SCN3B: variants seen among roughly 807,000 people sequenced by gnomAD.
SCN3B encodes the protein sodium voltage-gated channel beta subunit 3.
SCN3B carries 11 observed loss-of-function variants against 25.4 expected under a neutral mutation model. That is an observed-to-expected ratio of 0.43 (90% CI 0.27 to 0.72). The LOEUF (loss-of-function observed/expected upper bound fraction) is 0.72. Among genes scored for constraint, SCN3B ranks in the 30% least tolerant of loss-of-function variants. The pLI is 0.18. For missense variants in SCN3B, 218 were observed against 278.3 expected, an observed-to-expected ratio of 0.78 and a Z score of 1.54; for synonymous variants, 109 against 110.7, an observed-to-expected ratio of 0.99 and a Z score of 0.09.
intron 5 of SCN3B, among the ~76,000 whole-genome samples, chr11:123,636,867 G>A (rs1368158315): frequency 6.6e-6 from 1 of 152,012 alleles, no homozygotes; most frequent in Non-Finnish European, 1.5e-5. Flanking sequence ...CTAATTTTTT[G>A]TAGTTTTAGT....
chr11:123,634,454 G>A (rs1474521793), intron 5 of SCN3B, among the ~76,000 whole-genome samples: 1 of 152,234 alleles, frequency 6.6e-6, no homozygotes, highest in East Asian at 1.9e-4. Context: ...CATTTAGTTA[G>A]ATTATTATGT....
intron 3 of SCN3B, among the ~76,000 whole-genome samples, chr11:123,644,805 ATATATATAT>A (rs1565496854): frequency 5.5e-5 from 2 of 36,648 alleles, no homozygotes; most frequent in African/African-American, 4.1e-4. Flanking sequence ...GAGAGAATAT[ATATATATAT>A]ATATATATAT....
intron 3 of SCN3B, among the ~76,000 whole-genome samples, chr11:123,644,821 A>T (rs1372221694): frequency 1.2e-4 from 10 of 80,310 alleles, no homozygotes; most frequent in Non-Finnish European, 2.2e-4. Flanking sequence ...ATATATATAT[A>T]TATATATATA....
Position 123,631,660 on chromosome 11 carries a change from C to T in SCN3B, c.*2139G>A, listed in dbSNP as rs1955674349. The T allele has an allele frequency of 6.6e-6, 1 of 151,922 alleles. No individual in the cohort carries two copies. The highest frequency in any genetic ancestry group is 2.4e-5 in the African/African-American group (1 of 41,320). 9.4% of individuals were successfully genotyped at this position (151,922 alleles called of 1,614,324 possible). A position where few individuals can be genotyped will look rare whatever the true frequency, so the allele number is the denominator to read the frequency against. ...CTGGGCGACATGGCAAGACCCCTGT[C>T]TCTACATAAAATACAAAAATTAGCC... On this transcript the variant is annotated 3_prime_UTR_variant, in exon 7 of 7. Transcript: ENST00000299333.
chr11:123,633,842 T>G (rs563463003), intron 6 of SCN3B, 66 bp from the exon 7 acceptor site: 1 of 390,538 alleles, frequency 2.6e-6, no homozygotes, highest in East Asian at 5.9e-5. Context: ...GCCCAAAAAT[T>G]CTTTGACCAA....
chr11:123,646,701 T>C (rs1360458300), intron 2 of SCN3B, among the ~76,000 whole-genome samples: 2 of 152,228 alleles, frequency 1.3e-5, no homozygotes, highest in Non-Finnish European at 2.9e-5. Flanking sequence ...GAGGCAAGTA[T>C]ATCAGCTTGA....
chr11:123,633,519 T>C lies in SCN3B; in HGVS notation c.*280A>G, dbSNP rs180816615. ...TCCAGTTGGCTTTGGAGTGTCTTGT[T>C]GGAAAACTAGGAGAGGGTGAGGTTG... On this transcript the variant is annotated 3_prime_UTR_variant, in exon 7 of 7. Coordinates refer to ENST00000299333, the MANE Select transcript of SCN3B (RefSeq NM_001040151.2). 8.9e-4 allele frequency: 140 copies of C among 157,582 alleles called. No homozygotes were observed. Among genetic ancestry groups the C allele is most frequent in the Non-Finnish European group, 1.5e-3 (108 of 71,020 alleles). 9.8% of individuals were successfully genotyped at this position (157,582 alleles called of 1,614,324 possible).
intron 3 of SCN3B, 73 bp downstream of exon 3, chr11:123,645,514 C>G: frequency 6.6e-7 from 1 of 1,504,974 alleles, no homozygotes. Flanking sequence ...TGGCATCCCC[C>G]GGACTGTCAG....
chr11:123,637,559 C>T (rs1306735772), intron 5 of SCN3B, among the ~76,000 whole-genome samples: 3 of 152,182 alleles, frequency 2.0e-5, no homozygotes, highest in Middle Eastern at 3.4e-3. Flanking sequence ...AATGGAGTCT[C>T]GCTCTGTCAC....
chr11:123,647,508 C>T (rs566435468), intron 2 of SCN3B, among the ~76,000 whole-genome samples: 4 of 151,900 alleles, frequency 2.6e-5, no homozygotes, highest in African/African-American at 2.4e-5. Flanking sequence ...TGATGGTCAC[C>T]GCAGATTCTT....
intron 2 of SCN3B, among the ~76,000 whole-genome samples, chr11:123,653,443 G>A (rs1955955062): frequency 6.6e-6 from 1 of 151,590 alleles, no homozygotes; most frequent in Admixed American, 6.6e-5. Flanking sequence ...ATTCGTGAAC[G>A]TGACTGCATT....
intron 3 of SCN3B, among the ~76,000 whole-genome samples, chr11:123,643,045 A>G (rs1005826806): frequency 2.6e-5 from 4 of 152,194 alleles, no homozygotes; most frequent in African/African-American, 9.7e-5. Flanking sequence ...GAAAGACAGG[A>G]TTGTAAAAAG....
Position 123,634,092 on chromosome 11 carries a change from C to T in SCN3B, c.*22+29G>A, listed in dbSNP as rs747245649. ...TTGTACAACCTGCCATCCACATCTG[C>T]CTTCCCCTCCCATGTTCCTGTAGGT... On this transcript the variant is annotated intron_variant, in intron 6 of 6. Coordinates refer to ENST00000299333, the MANE Select transcript of SCN3B (RefSeq NM_001040151.2). The T allele has an allele frequency of 3.0e-5, 47 of 1,554,280 alleles. No individual in the cohort carries two copies. The South Asian group carries it at 4.5e-4, about 15-fold the overall frequency.
At chr11:123,650,164 A>G (rs978859119) in intron 2 of SCN3B, among the ~76,000 whole-genome samples, 1 of 151,326 alleles carries the variant, frequency 6.6e-6, no homozygotes, top group Non-Finnish European at 1.5e-5. Context: ...CCATAATAAT[A>G]ATGAAGAAAT....
intron 2 of SCN3B, among the ~76,000 whole-genome samples, chr11:123,650,550 G>A (rs1180501634): frequency 1.3e-5 from 2 of 152,162 alleles, no homozygotes. Flanking sequence ...CAACTAGAAG[G>A]GCAGGCCTGG....
At chr11:123,641,577 C>A (rs1955792125) in intron 4 of SCN3B, among the ~76,000 whole-genome samples, 1 of 152,134 alleles carries the variant, frequency 6.6e-6, no homozygotes, top group Non-Finnish European at 1.5e-5. Flanking sequence ...AGTGATAATG[C>A]TGGAGATAGA....
chr11:123,634,180 T>C lies in SCN3B; in HGVS notation c.611A>G (p.Glu204Gly). 6.2e-7 allele frequency: 1 copy of C among 1,613,798 alleles called. No individual in the cohort carries two copies. The highest frequency in any genetic ancestry group is 8.5e-7 in the Non-Finnish European group (1 of 1,179,874). The change falls in exon 6 of 7, where the codon GAG becomes GGG. Residue 204 changes from glutamate (E) to glycine (G), a missense_variant. Glu to Gly is a moderately conservative substitution (Grantham distance 98, BLOSUM62 -2). Transcript: ENST00000299333. ...NASDYLAIPS[E>G]NKENSAVPVE... is the part of the protein sequence containing the mutation. ...TGGTACCGCAGAGTTCTCCTTGTTC[T>C]CAGATGGGATGGCAAGGTAGTCAGA...
chr11:123,644,800 A>AGAGAGAGAGAGAGAGAGAGAATAT (rs1272015067), intron 3 of SCN3B, among the ~76,000 whole-genome samples: 1 of 45,574 alleles, frequency 2.2e-5, no homozygotes, highest in African/African-American at 7.8e-5. Context: ...AGAGAGAGAG[A>AGAGAGAGAGAGAGAGAGAGAATAT]ATATATATAT....
At position 123,634,117 on chromosome 11, in the gene SCN3B, T is replaced by C. The variant is rs760409130; in HGVS notation, c.*22+4A>G. Reference sequence around the variant, plus strand: ...CCTTCCCCTCCCATGTTCCTGTAGGTCACCTCATGTCACACTGCTCCTGTT... The same window carrying C: ...CCTTCCCCTCCCATGTTCCTGTAGGCCACCTCATGTCACACTGCTCCTGTT... On this transcript the variant is annotated splice_donor_region_variant and intron_variant, in intron 6 of 6. Transcript: ENST00000299333. The C allele has an allele frequency of 6.2e-7, 1 of 1,610,406 alleles. No individual in the cohort carries two copies. Among genetic ancestry groups the C allele is most frequent in the Non-Finnish European group, 8.5e-7 (1 of 1,176,730 alleles).
Sources: allele counts gnomAD v4.1 joint callset (sites outside exome capture counted in the v4.1 genomes callset), GRCh38; gene constraint gnomAD v4.1.1; transcripts MANE v1.5; gene names NCBI Gene and HGNC (gene_info 2026-07-23, HGNC 2026-07-21).